AGBL3: variants seen among roughly 807,000 people sequenced by gnomAD.
The protein encoded by AGBL3 is AGBL carboxypeptidase 3.
Under a neutral mutation model 94.5 loss-of-function variants are expected in AGBL3, and 68 were observed. The ratio of observed to expected loss-of-function variants is 0.72; its 90% CI spans 0.59 to 0.88. The LOEUF (loss-of-function observed/expected upper bound fraction) is 0.88. Among genes scored for constraint, AGBL3 ranks in the 40% least tolerant of loss-of-function variants. AGBL3 has a pLI of 0.00. For missense variants in AGBL3, 934 were observed against 1,103.8 expected, an observed-to-expected ratio of 0.85 and a Z score of 2.18; for synonymous variants, 354 against 370.7, an observed-to-expected ratio of 0.95 and a Z score of 0.52.
rs1337446411 is a variant in AGBL3 at position 134,999,019 on chromosome 7, C to A, written c.310+5341C>A. Among the ~76,000 whole-genome samples, 92 of 152,148 alleles carry A rather than the reference C, an allele frequency of 6.0e-4. 1 individual carries two copies. The highest frequency in any genetic ancestry group is 1.3e-4 in the Non-Finnish European group (9 of 67,996). On this transcript the variant is annotated intron_variant, in intron 4 of 16. Transcript: ENST00000436302. ...TCAGCCCTTCCTGCCTTTATCACCC[C>A]CTATTTTAGACAAAAAAAAAAGTTT...
chr7:135,080,712 T>A (rs182909524), intron 14 of AGBL3, among the ~76,000 whole-genome samples: 161 of 151,336 alleles, frequency 1.1e-3, no homozygotes, highest in African/African-American at 3.7e-3. Flanking sequence ...CTAAGTCTGA[T>A]GTGAATCTTT....
chr7:135,072,140 T>C (rs1347234048), intron 12 of AGBL3, among the ~76,000 whole-genome samples: 1 of 152,122 alleles, frequency 6.6e-6, no homozygotes, highest in African/African-American at 2.4e-5. Flanking sequence ...GACATTTATG[T>C]AGCCAAAAGA....
At chr7:134,999,304 G>A (rs1356513715) in intron 4 of AGBL3, among the ~76,000 whole-genome samples, 1 of 152,122 alleles carries the variant, frequency 6.6e-6, no homozygotes, top group African/African-American at 2.4e-5. Context: ...ATAGTCTCTG[G>A]GGGCTACCAC....
At chr7:135,031,933 G>A (rs879833750) in intron 5 of AGBL3, among the ~76,000 whole-genome samples, 4 of 152,104 alleles carry the variant, frequency 2.6e-5, no homozygotes, top group African/African-American at 7.2e-5. Flanking sequence ...CTAGGAAACC[G>A]CTATGTAGAC....
intron 1 of AGBL3, among the ~76,000 whole-genome samples, chr7:134,986,950 C>A (rs1809531730): frequency 6.6e-6 from 1 of 152,258 alleles, no homozygotes; most frequent in Non-Finnish European, 1.5e-5. Flanking sequence ...TGGATAAGGG[C>A]CGTTTCCTGA....
intron 11 of AGBL3, chr7:135,051,029 A>G (rs1048060294): frequency 2.2e-6 from 1 of 446,904 alleles, no homozygotes; most frequent in Admixed American, 2.5e-5. Context: ...CAGAGAACTG[A>G]CATTTTTATT....
intron 11 of AGBL3, among the ~76,000 whole-genome samples, chr7:135,053,929 G>A (rs1818112393): frequency 6.6e-6 from 1 of 152,170 alleles, no homozygotes; most frequent in Non-Finnish European, 1.5e-5. Flanking sequence ...AGACCTTTCA[G>A]TATAGATTCC....
intron 4 of AGBL3, among the ~76,000 whole-genome samples, chr7:134,998,444 T>C (rs910180563): frequency 5.3e-5 from 8 of 152,228 alleles, no homozygotes; most frequent in Admixed American, 2.0e-4. Flanking sequence ...ATTTCATTTA[T>C]TTATTCCTGT....
At chr7:135,073,511 T>TAAAC (rs1011300651) in intron 12 of AGBL3, among the ~76,000 whole-genome samples, 3 of 49,662 alleles carry the variant, frequency 6.0e-5, no homozygotes, top group South Asian at 1.3e-3. Context: ...AATAAATAAA[T>TAAAC]AAACCTTGCA....
rs1820457857 is a variant in AGBL3, at chr7:135,076,437, T to C, written c.1949T>C (p.Ile650Thr). ...ACAAAGAAGGAAAGGAATTCTACCA[T>C]AGCAAGCCACCAAAATGCCAGAGGA... is the stretch of plus-strand genomic sequence containing the variant. The part of the protein sequence containing the change: ...LKTKKERNST[I>T]ASHQNARGQE... Residue 650 changes from isoleucine (I) to threonine (T), a missense_variant, in exon 13 of 17, where the codon ATA (isoleucine) becomes ACA (threonine). Coordinates refer to ENST00000436302, the MANE Select transcript of AGBL3 (RefSeq NM_178563.4). 1.9e-6 allele frequency: 3 copies of C among 1,549,312 alleles called. No individual in the cohort carries two copies. Among genetic ancestry groups the C allele is most frequent in the Non-Finnish European group, 2.6e-6 (3 of 1,145,184 alleles).
chr7:134,997,219 TTGC>T (rs1223821938), intron 4 of AGBL3, among the ~76,000 whole-genome samples: 1 of 152,140 alleles, frequency 6.6e-6, no homozygotes, highest in Admixed American at 6.5e-5. Flanking sequence ...GAATCTAATG[TTGC>T]TGCTGATCTG....
intron 15 of AGBL3, among the ~76,000 whole-genome samples, chr7:135,102,165 A>G (rs1823935663): frequency 6.6e-6 from 1 of 152,196 alleles, no homozygotes; most frequent in Non-Finnish European, 1.5e-5. Context: ...GTTAGTTTAA[A>G]TTATAGTAAG....
chr7:135,058,573 T>C (rs1432144106), intron 11 of AGBL3, among the ~76,000 whole-genome samples: 2 of 152,080 alleles, frequency 1.3e-5, no homozygotes, highest in African/African-American at 2.4e-5. Context: ...GTGCCTACTA[T>C]ATGCCAAGCA....
At chr7:135,121,662 C>T (rs1033018491) in intron 16 of AGBL3, among the ~76,000 whole-genome samples, 6 of 151,922 alleles carry the variant, frequency 3.9e-5, no homozygotes, top group African/African-American at 9.7e-5. Context: ...CTAGAAACAG[C>T]GGCATTCGGA....
chr7:135,030,171 A>G (rs541700214), intron 5 of AGBL3, among the ~76,000 whole-genome samples: 4 of 151,302 alleles, frequency 2.6e-5, no homozygotes, highest in Non-Finnish European at 5.9e-5. Context: ...AAAAAAAAAA[A>G]AAAAAGAAAG....
At chr7:135,008,975 G>T (rs1352182948) in intron 4 of AGBL3, among the ~76,000 whole-genome samples, 2 of 152,168 alleles carry the variant, frequency 1.3e-5, no homozygotes, top group Non-Finnish European at 2.9e-5. Flanking sequence ...CAAAAAGTCA[G>T]ATAACAAGTG....
At chr7:135,001,442 TTGAGG>T (rs1450515761) in intron 4 of AGBL3, among the ~76,000 whole-genome samples, 3 of 152,190 alleles carry the variant, frequency 2.0e-5, no homozygotes, top group South Asian at 4.1e-4. Context: ...CACAGATGAT[TTGAGG>T]TAACATTTTT....
At chr7:135,069,861 A>G (rs2116771310) in intron 12 of AGBL3, among the ~76,000 whole-genome samples, 1 of 152,366 alleles carries the variant, frequency 6.6e-6, no homozygotes, top group Admixed American at 6.5e-5. Flanking sequence ...GAAGGCAAGA[A>G]ATAACTAAGA....
intron 15 of AGBL3, among the ~76,000 whole-genome samples, chr7:135,089,903 G>A (rs1821632369): frequency 6.6e-6 from 1 of 152,096 alleles, no homozygotes; most frequent in African/African-American, 2.4e-5. Flanking sequence ...GTGGTACCTG[G>A]GTCTTCCAGT....
Sources: allele counts gnomAD v4.1 joint callset (sites outside exome capture counted in the v4.1 genomes callset), GRCh38; gene constraint gnomAD v4.1.1; transcripts MANE v1.5; gene names NCBI Gene and HGNC (gene_info 2026-07-23, HGNC 2026-07-21).